Variants in CHN1 observed in about 807,000 individuals in gnomAD.
CHN1 encodes the protein N-chimaerin.
CHN1 carries 37 observed loss-of-function variants against 59.5 expected under a neutral mutation model. That is an observed-to-expected ratio of 0.62 (90% CI 0.48 to 0.82). CHN1 has a LOEUF of 0.82. Ranked by LOEUF, CHN1 falls within the 40% of genes least tolerant of loss-of-function variation. The pLI is 0.00. For synonymous variants in CHN1, 206 were observed against 200.4 expected, an observed-to-expected ratio of 1.03 and a Z score of -0.24; for missense variants, 469 against 571.0, an observed-to-expected ratio of 0.82 and a Z score of 1.82.
At chr2:174,886,367 T>C (rs1687894225) in intron 5 of CHN1, among the ~76,000 whole-genome samples, 1 of 152,228 alleles carries the variant, frequency 6.6e-6, no homozygotes, top group South Asian at 2.1e-4. Context: ...AAGACTATTG[T>C]AGTGTATTGA....
At chr2:174,820,582 A>G (rs1188264976) in intron 8 of CHN1, among the ~76,000 whole-genome samples, 1 of 152,212 alleles carries the variant, frequency 6.6e-6, no homozygotes, top group Non-Finnish European at 1.5e-5. Flanking sequence ...TTGGTGGGTG[A>G]GACTTTGCAA....
chr2:174,986,847 C>T (rs1300451773), intron 1 of CHN1, among the ~76,000 whole-genome samples: 5 of 152,230 alleles, frequency 3.3e-5, no homozygotes, highest in Non-Finnish European at 4.4e-5. Context: ...AGCGATCCTC[C>T]TGCCTCAGCC....
intron 8 of CHN1, among the ~76,000 whole-genome samples, chr2:174,824,163 C>T (rs1685601812): frequency 6.6e-6 from 1 of 152,170 alleles, no homozygotes; most frequent in Non-Finnish European, 1.5e-5. Context: ...CTTTTATCTC[C>T]TTTTATCAGA....
At chr2:174,999,861 T>C (rs577882464) in intron 1 of CHN1, among the ~76,000 whole-genome samples, 10 of 152,340 alleles carry the variant, frequency 6.6e-5, no homozygotes, top group African/African-American at 2.4e-4. Context: ...AAAATCTTTA[T>C]TGACAAATAT....
At chr2:174,838,626 C>T (rs539758385) in intron 7 of CHN1, among the ~76,000 whole-genome samples, 18 of 152,148 alleles carry the variant, frequency 1.2e-4, no homozygotes, top group African/African-American at 1.9e-4. Flanking sequence ...GAAGAGATTA[C>T]GAGAAGGGGC....
Position 175,004,700 on chromosome 2 carries a change from T to C in CHN1, c.19+194A>G, listed in dbSNP as rs113077430. Among the ~76,000 whole-genome samples, 6 of 151,698 alleles carry C rather than the reference T, an allele frequency of 4.0e-5. No individual in the cohort carries two copies. The South Asian group carries it at 1.0e-3, about 26-fold the overall frequency. On this transcript the variant is annotated intron_variant, in intron 1 of 12. Transcript: ENST00000409900. ...CAGGGGAGCACACGCCCATCGGCCC[T>C]GCCGGGAGAGGAAACAATGGGAGAG... is the stretch of plus-strand genomic sequence containing the variant.
At chr2:174,977,172 T>C (rs914400775) in intron 1 of CHN1, among the ~76,000 whole-genome samples, 8 of 152,246 alleles carry the variant, frequency 5.3e-5, no homozygotes, top group Non-Finnish European at 1.2e-4. Flanking sequence ...GACTGAACTC[T>C]GCTTTTGTAG....
At chr2:174,923,869 G>C (rs1689087387) in intron 3 of CHN1, among the ~76,000 whole-genome samples, 1 of 152,088 alleles carries the variant, frequency 6.6e-6, no homozygotes, top group African/African-American at 2.4e-5. Context: ...TTGAATTAAA[G>C]GAAATTAGGT....
intron 8 of CHN1, among the ~76,000 whole-genome samples, chr2:174,823,644 CAG>C (rs967338137): frequency 3.4e-5 from 5 of 147,946 alleles, no homozygotes; most frequent in African/African-American, 1.3e-4. Context: ...GCCTGGGAGA[CAG>C]AGTGAGACTC....
chr2:174,968,980 T>C (rs184727148), intron 1 of CHN1, among the ~76,000 whole-genome samples: 7 of 152,346 alleles, frequency 4.6e-5, no homozygotes, highest in African/African-American at 1.2e-4. Flanking sequence ...ATTTATTTCA[T>C]TGCAGAAATA....
chr2:174,895,579 C>T (rs918672340), intron 5 of CHN1, among the ~76,000 whole-genome samples: 1 of 152,020 alleles, frequency 6.6e-6, no homozygotes, highest in Non-Finnish European at 1.5e-5. Context: ...TAAGCAAGTT[C>T]AGAAAAACAG....
rs1006484920 is a variant in CHN1 at position 174,801,742 on chromosome 2, G to A, written c.1173C>T (p.Cys391=). The A allele has an allele frequency of 1.5e-5, 25 of 1,613,260 alleles. No homozygotes were observed. The highest frequency in any genetic ancestry group is 1.1e-4 in the South Asian group (10 of 91,082). The change falls in exon 12 of 13, where the codon TGC becomes TGT. Residue 391 remains cysteine (C), a synonymous_variant. Coordinates refer to ENST00000409900, the MANE Select transcript of CHN1 (RefSeq NM_001822.7). The part of the protein sequence containing the change: ...EALKLLPPAH[C]ETLRYLMAHL... ...GTGCCATGAGGTACCGGAGGGTTTC[G>A]CAGTGAGCAGGTGGCAGTAGTTTCA...
intron 1 of CHN1, among the ~76,000 whole-genome samples, chr2:174,960,771 G>A (rs1020585716): frequency 5.3e-5 from 8 of 151,866 alleles, no homozygotes; most frequent in Non-Finnish European, 8.8e-5. Flanking sequence ...GCAGTGAGCC[G>A]AGATCATGCC....
At chr2:174,934,620 C>T (rs1234908548) in intron 3 of CHN1, among the ~76,000 whole-genome samples, 1 of 152,186 alleles carries the variant, frequency 6.6e-6, no homozygotes, top group Non-Finnish European at 1.5e-5. Flanking sequence ...GCATTAAGTA[C>T]CAACTTGAAG....
chr2:174,946,947 A>G (rs2105406967), intron 2 of CHN1, among the ~76,000 whole-genome samples: 1 of 151,238 alleles, frequency 6.6e-6, no homozygotes, highest in Non-Finnish European at 1.5e-5. Context: ...CCATTCCTCC[A>G]TATTGGTACC....
intron 7 of CHN1, among the ~76,000 whole-genome samples, chr2:174,831,457 C>T (rs1004899926): frequency 6.6e-6 from 1 of 152,046 alleles, no homozygotes; most frequent in African/African-American, 2.4e-5. Flanking sequence ...AATAGTGGCC[C>T]CTTACACAGA....
chr2:174,987,152 GT>G (rs1691376523), intron 1 of CHN1, among the ~76,000 whole-genome samples: 1 of 152,144 alleles, frequency 6.6e-6, no homozygotes, highest in South Asian at 2.1e-4. Context: ...TATTGGTAAG[GT>G]TTCCAGTAAC....
intron 6 of CHN1, among the ~76,000 whole-genome samples, chr2:174,876,683 C>T (rs1374007942): frequency 3.3e-5 from 5 of 152,162 alleles, no homozygotes; most frequent in Non-Finnish European, 5.9e-5. Context: ...GAGCTGGACA[C>T]AAACTTTCTT....
intron 7 of CHN1, chr2:174,846,448 T>A: frequency 6.6e-7 from 1 of 1,526,538 alleles, no homozygotes; most frequent in Non-Finnish European, 8.8e-7. Context: ...CTATGAGAAA[T>A]GCAAACCATC....
Sources: gnomAD v4.1 joint callset for allele counts (sites outside exome capture counted in the v4.1 genomes callset) on GRCh38, gnomAD v4.1.1 for gene constraint, MANE v1.5 for transcripts, NCBI Gene and HGNC (gene_info 2026-07-23, HGNC 2026-07-21) for gene names.